The following DIAPH2 variants were observed in gnomAD, a reference collection of about 807,000 sequenced individuals.
DIAPH2 encodes the protein diaphanous related formin 2.
A neutral mutation model predicts 92.7 loss-of-function variants in DIAPH2; 35 were observed. The observed-to-expected ratio is 0.38, with a 90% confidence interval of 0.29 to 0.50. DIAPH2 has a LOEUF of 0.50. DIAPH2 is among the 20% of genes least tolerant of loss of function. The pLI, the probability that DIAPH2 is intolerant of heterozygous loss-of-function variation, is 0.94. For missense variants in DIAPH2, 701 were observed against 819.5 expected (o/e 0.86, Z 1.77); for synonymous variants, 301 against 280.4 (o/e 1.07, Z -0.73).
chrX:96,839,918 C>T (rs943633083), intron 4 of DIAPH2, among the ~76,000 whole-genome samples: 1 of 111,745 alleles, frequency 8.9e-6, no homozygotes, highest in African/African-American at 3.3e-5. Flanking sequence ...AAAATTTCAT[C>T]TAGAGCAGAG....
chrX:97,139,410 C>A (rs1402819172), intron 21 of DIAPH2, among the ~76,000 whole-genome samples: 1 of 107,187 alleles, frequency 9.3e-6, no homozygotes, highest in African/African-American at 3.4e-5. Context: ...TCGTGATTTC[C>A]TGCCAGTTTG....
chrX:96,705,638 A>G (rs2063881353), intron 1 of DIAPH2, among the ~76,000 whole-genome samples: 2 of 112,224 alleles, frequency 1.8e-5, no homozygotes, highest in Non-Finnish European at 3.8e-5. Context: ...CCATCTCCAC[A>G]CTATTGATCT....
chrX:97,264,784 T>C (rs770944727), intron 23 of DIAPH2, among the ~76,000 whole-genome samples: 6 of 111,374 alleles, frequency 5.4e-5, no homozygotes, highest in Admixed American at 9.5e-5. Context: ...AAGAGTTCAA[T>C]ACCAGCCTGG....
rs57145821 is a variant in DIAPH2, at chrX:97,297,076, CTTTTTT to C, written c.2844+49267_2844+49272del. ...ACAGGTGTGAGCCACCAGGCCTGGC[CTTTTTT>C]TTTTTTTTTTTTTTTTTTTTTTTTT... On this transcript the variant is annotated intron_variant, in intron 23 of 26. Coordinates refer to ENST00000324765, the MANE Select transcript of DIAPH2 (RefSeq NM_006729.5). 9.0e-3 allele frequency among the ~76,000 whole-genome samples: 187 copies of C among 20,717 alleles called. 1 individual carries two copies. Among genetic ancestry groups the C allele is most frequent in the African/African-American group, 0.025 (132 of 5,234 alleles). 18.0% of individuals were successfully genotyped at this position (20,717 alleles called of 115,157 possible).
chrX:96,817,041 G>T (rs1392982982), intron 4 of DIAPH2, among the ~76,000 whole-genome samples: 1 of 111,205 alleles, frequency 9.0e-6, no homozygotes, highest in Non-Finnish European at 1.9e-5. Context: ...TTGGACTCAA[G>T]GATATGGAGA....
intron 1 of DIAPH2, among the ~76,000 whole-genome samples, chrX:96,713,527 C>T (rs192611718): frequency 8.9e-6 from 1 of 111,736 alleles, no homozygotes; most frequent in East Asian, 2.8e-4. Context: ...TTCAGGTTCA[C>T]TCTTGGTGTG....
At chrX:97,474,166 G>A (rs1018511853) in intron 26 of DIAPH2, among the ~76,000 whole-genome samples, 9 of 111,863 alleles carry the variant, frequency 8.0e-5, no homozygotes, top group Non-Finnish European at 1.7e-4. Flanking sequence ...CCCTTTACAG[G>A]GAAAGTTTGC....
At chrX:97,189,856 C>T (rs1040543828) in intron 22 of DIAPH2, among the ~76,000 whole-genome samples, 14 of 112,448 alleles carry the variant, frequency 1.2e-4, no homozygotes, top group Non-Finnish European at 2.6e-4. Context: ...TTGCAGTGCC[C>T]TTAGGGCAAG....
chrX:97,518,218 G>T (rs1389304903), intron 26 of DIAPH2, among the ~76,000 whole-genome samples: 1 of 111,851 alleles, frequency 8.9e-6, no homozygotes, highest in Non-Finnish European at 1.9e-5. Context: ...ATTTTGTTCT[G>T]TTCTTTCTTA....
chrX:96,863,240 C>A (rs1602575143), intron 4 of DIAPH2, among the ~76,000 whole-genome samples: 1 of 93,139 alleles, frequency 1.1e-5, no homozygotes, highest in Non-Finnish European at 2.2e-5. Flanking sequence ...TCTCATTATT[C>A]CTTTTTTTTT....
At chrX:97,094,957 A>C (rs1326056152) in intron 19 of DIAPH2, among the ~76,000 whole-genome samples, 1 of 110,653 alleles carries the variant, frequency 9.0e-6, no homozygotes, top group Admixed American at 9.7e-5. Context: ...ACACATACAC[A>C]GTGATTTAAG....
chrX:97,160,205 C>T (rs1464856804), intron 22 of DIAPH2, among the ~76,000 whole-genome samples: 1 of 111,856 alleles, frequency 8.9e-6, no homozygotes, highest in African/African-American at 3.3e-5. Context: ...CAGCTTCTTA[C>T]TGGGTCCACC....
At chrX:97,467,124 CA>C (rs1346710202) in intron 26 of DIAPH2, among the ~76,000 whole-genome samples, 1 of 111,910 alleles carries the variant, frequency 8.9e-6, no homozygotes, top group African/African-American at 3.2e-5. Context: ...ATCTGATGAA[CA>C]CACCCTTTTA....
rs16982325 is a variant in DIAPH2 at position 97,160,596 on chromosome X, T to C, written c.2719+18802T>C. Reference sequence around the variant, plus strand: ...CCCACTGTATGAAATGTTTAACTTATCACCTACTGTCGTGGATTTCGAAAT... The same window carrying C: ...CCCACTGTATGAAATGTTTAACTTACCACCTACTGTCGTGGATTTCGAAAT... On this transcript the variant is annotated intron_variant, in intron 22 of 26. Coordinates refer to ENST00000324765, the MANE Select transcript of DIAPH2 (RefSeq NM_006729.5). Among the ~76,000 whole-genome samples, 654 of 112,141 alleles carry C rather than the reference T, an allele frequency of 5.8e-3. 6 individuals carry two copies. Among genetic ancestry groups the C allele is most frequent in the African/African-American group, 0.02 (612 of 30,888 alleles).
At chrX:97,313,133 C>T (rs893252305) in intron 23 of DIAPH2, among the ~76,000 whole-genome samples, 4 of 110,675 alleles carry the variant, frequency 3.6e-5, no homozygotes, top group Non-Finnish European at 3.8e-5. Context: ...TGCAGTGATC[C>T]GAGATCGCGC....
chrX:96,904,197 A>G (rs920603429), intron 5 of DIAPH2, among the ~76,000 whole-genome samples: 1 of 111,995 alleles, frequency 8.9e-6, no homozygotes, highest in Non-Finnish European at 1.9e-5. Flanking sequence ...TGAAGTCAAA[A>G]CCACTCAGAG....
intron 25 of DIAPH2, among the ~76,000 whole-genome samples, chrX:97,417,330 A>T (rs2069957419): frequency 9.0e-6 from 1 of 110,917 alleles, no homozygotes; most frequent in African/African-American, 3.3e-5. Flanking sequence ...ATAAGGACAC[A>T]TAAGTTTGCA....
At chrX:96,696,948 G>T (rs961540276) in intron 1 of DIAPH2, among the ~76,000 whole-genome samples, 2 of 111,828 alleles carry the variant, frequency 1.8e-5, no homozygotes, top group Non-Finnish European at 3.8e-5. Context: ...TGACATGCTG[G>T]TTCACTATGA....
At chrX:97,159,896 C>T (rs2067354276) in intron 22 of DIAPH2, among the ~76,000 whole-genome samples, 1 of 111,283 alleles carries the variant, frequency 9.0e-6, no homozygotes, top group South Asian at 3.8e-4. Flanking sequence ...TTATATTATA[C>T]ATAAACACAG....
Sources: allele counts gnomAD v4.1 joint callset (sites outside exome capture counted in the v4.1 genomes callset), GRCh38; gene constraint gnomAD v4.1.1; transcripts MANE v1.5; gene names NCBI Gene and HGNC (gene_info 2026-07-23, HGNC 2026-07-21).